Variants in ANKHD1 observed in about 807,000 individuals in gnomAD.
ANKHD1 encodes ankyrin repeat and KH domain-containing protein 1.
Under a neutral mutation model 230.5 loss-of-function variants are expected in ANKHD1, and 31 were observed. That is an observed-to-expected ratio of 0.13 (90% CI 0.10 to 0.18). ANKHD1 has a LOEUF of 0.18. ANKHD1 is among the 10% of genes least tolerant of loss of function. The pLI is 1.00. For synonymous variants in ANKHD1, 1,074 were observed against 1,117.6 expected, an observed-to-expected ratio of 0.96 and a Z score of 0.78; for missense variants, 2,256 against 3,071.3, an observed-to-expected ratio of 0.73 and a Z score of 6.27.
chr5:140,441,368 T>C (rs1198074283), intron 5 of ANKHD1, among the ~76,000 whole-genome samples: 1 of 152,160 alleles, frequency 6.6e-6, no homozygotes, highest in Non-Finnish European at 1.5e-5. Flanking sequence ...GGTATGAACA[T>C]AATGGAATAT....
intron 24 of ANKHD1, among the ~76,000 whole-genome samples, chr5:140,515,702 G>T (rs1218909722): frequency 1.3e-5 from 2 of 152,156 alleles, no homozygotes; most frequent in African/African-American, 4.8e-5. Context: ...ACCTCACACG[G>T]CCGGGTACTT....
chr5:140,512,374 T>C (rs1021303137), intron 22 of ANKHD1, among the ~76,000 whole-genome samples: 1 of 152,144 alleles, frequency 6.6e-6, no homozygotes. Context: ...GTTTAGTTAG[T>C]GAAGTAGAGG....
chr5:140,451,823 A>G (rs1415396851), intron 7 of ANKHD1, among the ~76,000 whole-genome samples: 1 of 152,048 alleles, frequency 6.6e-6, no homozygotes, highest in Non-Finnish European at 1.5e-5. Context: ...TCTTTAATTA[A>G]ATAACTACTA....
intron 20 of ANKHD1, among the ~76,000 whole-genome samples, chr5:140,509,430 C>T (rs182838234): frequency 2.0e-5 from 3 of 152,232 alleles, no homozygotes; most frequent in East Asian, 3.9e-4. Flanking sequence ...CATTCTAGCA[C>T]GTCTGAATCT....
intron 10 of ANKHD1, among the ~76,000 whole-genome samples, chr5:140,465,481 G>A (rs1776019402): frequency 6.6e-6 from 1 of 152,030 alleles, no homozygotes. Context: ...CTTTTATTTT[G>A]TGAGAGTGCT....
At chr5:140,406,342 TG>T (rs1196958825) in intron 1 of ANKHD1, among the ~76,000 whole-genome samples, 6 of 152,136 alleles carry the variant, frequency 3.9e-5, no homozygotes, top group Admixed American at 3.3e-4. Context: ...GTTGCTCTAA[TG>T]GGGCAGGATT....
In ANKHD1 at chr5:140,496,881, A is replaced by G. The variant is rs1752061981; in HGVS notation, c.2607A>G (p.Leu869=). ...AAGGTCAGAAAGACACAGTGTCTCT[A>G]CACCAACAGTGCTCTCATAGAGGAG... ...ETKGQKDTVS[L]HQQCSHRGVF... Residue 869 remains leucine, a synonymous_variant, in exon 15 of 34, where the codon CTA becomes CTG. Transcript: ENST00000360839. 6.2e-7 allele frequency: 1 copy of G among 1,614,224 alleles called. No individual in the cohort carries two copies.
chr5:140,530,253 C>A (rs952889860), intron 29 of ANKHD1, among the ~76,000 whole-genome samples: 2 of 151,498 alleles, frequency 1.3e-5, no homozygotes, highest in Admixed American at 6.6e-5. Flanking sequence ...ACTCTATCAC[C>A]CAGGCTGGAG....
chr5:140,423,523 C>A (rs1241493272), intron 1 of ANKHD1, among the ~76,000 whole-genome samples: 1 of 152,192 alleles, frequency 6.6e-6, no homozygotes, highest in Non-Finnish European at 1.5e-5. Context: ...AGCAAAACCA[C>A]AACTGCTCCT....
chr5:140,453,702 T>C (rs1293496848), intron 7 of ANKHD1, among the ~76,000 whole-genome samples: 7 of 151,894 alleles, frequency 4.6e-5, no homozygotes, highest in Non-Finnish European at 8.8e-5. Context: ...CTAAAAGAGC[T>C]CCTGAAGGAA....
chr5:140,532,569 T>C (rs1696252569), intron 29 of ANKHD1, among the ~76,000 whole-genome samples: 1 of 152,124 alleles, frequency 6.6e-6, no homozygotes, highest in Non-Finnish European at 1.5e-5. Context: ...CCCAAAGAGA[T>C]AGGATTGCGG....
chr5:140,506,074 A>G lies in ANKHD1; in HGVS notation c.3408+205A>G, dbSNP rs1272072993. On this transcript the variant is annotated intron_variant, in intron 18 of 33. Coordinates refer to ENST00000360839, the MANE Select transcript of ANKHD1 (RefSeq NM_017747.3). This position sits in a 1 kb window ranked among gnomAD's most constrained non-coding sequence, Gnocchi z 4.7. ...AACCTTGAACTCTGGGGCTCAAGCA[A>G]TCCTCAGCCTCCCAAGTAGCTAGGG... 6.6e-6 allele frequency among the ~76,000 whole-genome samples: 1 copy of G among 152,068 alleles called. No homozygotes were observed. Among genetic ancestry groups the G allele is most frequent in the African/African-American group, 2.4e-5 (1 of 41,412 alleles).
At chr5:140,421,213 A>G (rs1450078898) in intron 1 of ANKHD1, among the ~76,000 whole-genome samples, 1 of 152,108 alleles carries the variant, frequency 6.6e-6, no homozygotes, top group African/African-American at 2.4e-5. Flanking sequence ...TCCAAGAAGA[A>G]TATGGACAGA....
chr5:140,405,784 C>T (rs963027303), intron 1 of ANKHD1, among the ~76,000 whole-genome samples: 1 of 152,116 alleles, frequency 6.6e-6, no homozygotes, highest in Admixed American at 6.5e-5. Context: ...AGATATCCAC[C>T]ACCACTCCCA....
Position 140,539,399 on chromosome 5 carries a change from A to G in ANKHD1, c.7610A>G (p.His2537Arg). 1 of 1,613,914 alleles carries G rather than the reference A, an allele frequency of 6.2e-7. No homozygotes were observed. Among genetic ancestry groups the G allele is most frequent in the Non-Finnish European group, 8.5e-7 (1 of 1,179,870 alleles). The change falls in exon 34 of 34, where the codon CAT becomes CGT. Residue 2537 changes from histidine to arginine, a missense_variant. This residue lies in a region of ANKHD1 where 778 missense variants were observed against 966.5 expected (regional missense o/e 0.80). Coordinates refer to ENST00000360839, the MANE Select transcript of ANKHD1 (RefSeq NM_017747.3). ...GTWAPHIGNMHLKYVN is the reference protein window; with the variant it reads ...GTWAPHIGNMRLKYVN Reference sequence around the variant, plus strand: ...TGGGCACCTCATATTGGAAACATGCATCTCAAATATGTCAACTAAGTTAGA... The same window carrying G: ...TGGGCACCTCATATTGGAAACATGCGTCTCAAATATGTCAACTAAGTTAGA...
At chr5:140,458,361 ATG>A (rs1424250341) in intron 7 of ANKHD1, among the ~76,000 whole-genome samples, 1 of 152,144 alleles carries the variant, frequency 6.6e-6, no homozygotes, top group African/African-American at 2.4e-5. Context: ...TGTGACTGTT[ATG>A]TCACCAAGTC....
At chr5:140,472,273 G>A in intron 10 of ANKHD1, 1 of 1,613,576 alleles carries the variant, frequency 6.2e-7, no homozygotes. Context: ...ATTTTGGAGG[G>A]CATAGATCCG....
intron 14 of ANKHD1, among the ~76,000 whole-genome samples, chr5:140,495,036 T>C (rs193048406): frequency 6.6e-6 from 1 of 152,272 alleles, no homozygotes; most frequent in African/African-American, 2.4e-5. Context: ...CTGTTTGCAA[T>C]TGATCCTCAT....
intron 14 of ANKHD1, among the ~76,000 whole-genome samples, chr5:140,495,708 TA>T (rs1287822353): frequency 6.6e-6 from 1 of 152,216 alleles, no homozygotes; most frequent in Non-Finnish European, 1.5e-5. Flanking sequence ...AAGTGTAATT[TA>T]AAACCTTAAA....
Sources: gnomAD v4.1 joint callset for allele counts (sites outside exome capture counted in the v4.1 genomes callset) on GRCh38, gnomAD v4.1.1 for gene constraint, gnomAD v4.1.1 regional missense constraint, Gnocchi (gnomAD v3.1) non-coding constraint, MANE v1.5 for transcripts, NCBI Gene and HGNC (gene_info 2026-07-23, HGNC 2026-07-21) for gene names.